Variants in HS3ST5 observed in about 807,000 individuals in gnomAD.
HS3ST5 encodes heparan sulfate-glucosamine 3-sulfotransferase 5.
A neutral mutation model predicts 25.4 loss-of-function variants in HS3ST5; 10 were observed. The observed-to-expected ratio is 0.39, with a 90% CI of 0.24 to 0.67. The LOEUF (loss-of-function observed/expected upper bound fraction) is 0.67. Ranked by LOEUF, HS3ST5 falls within the 30% of genes least tolerant of loss-of-function variation. The pLI, the probability that HS3ST5 is intolerant of heterozygous loss-of-function variation, is 0.44. For synonymous variants in HS3ST5, 170 were observed against 162.4 expected (o/e 1.05, Z -0.36); for missense variants, 324 against 420.7 (o/e 0.77, Z 2.01).
intron 1 of HS3ST5, among the ~76,000 whole-genome samples, chr6:114,313,634 T>C (rs1360242143): frequency 6.6e-6 from 1 of 151,986 alleles, no homozygotes; most frequent in African/African-American, 2.4e-5. Context: ...ATCAGATCAG[T>C]AGTTTATTGG....
intron 1 of HS3ST5, among the ~76,000 whole-genome samples, chr6:114,283,223 T>C (rs1008268119): frequency 6.6e-6 from 1 of 151,982 alleles, no homozygotes; most frequent in African/African-American, 2.4e-5. Context: ...TTGCTTAAAA[T>C]ACCAACCTTG....
At chr6:114,217,139 G>A (rs2114468710) in intron 2 of HS3ST5, among the ~76,000 whole-genome samples, 1 of 152,308 alleles carries the variant, frequency 6.6e-6, no homozygotes, top group Non-Finnish European at 1.5e-5. Context: ...CATGTAGTAA[G>A]ATAAAAACAT....
intron 1 of HS3ST5, among the ~76,000 whole-genome samples, chr6:114,286,616 A>G (rs796370475): frequency 7.9e-5 from 12 of 152,100 alleles, no homozygotes; most frequent in African/African-American, 2.6e-4. Context: ...TTTCCAATTA[A>G]ATGTATAAGA....
intron 1 of HS3ST5, among the ~76,000 whole-genome samples, chr6:114,339,082 T>C (rs1423750603): frequency 2.6e-5 from 4 of 152,136 alleles, no homozygotes; most frequent in Non-Finnish European, 5.9e-5. Flanking sequence ...CTTCACTTAA[T>C]TGCAATCATC....
chr6:114,284,742 T>C (rs533589010), intron 1 of HS3ST5, among the ~76,000 whole-genome samples: 3 of 152,016 alleles, frequency 2.0e-5, no homozygotes, highest in African/African-American at 7.2e-5. Context: ...AAAGTGAATC[T>C]CCAAGCTGCT....
chr6:114,217,766 T>C (rs1034847482), intron 2 of HS3ST5, among the ~76,000 whole-genome samples: 1 of 152,198 alleles, frequency 6.6e-6, no homozygotes, highest in African/African-American at 2.4e-5. Context: ...AAGTGGGGAC[T>C]TGAATTTAGG....
At chr6:114,208,426 T>C (rs1403038450) in intron 2 of HS3ST5, among the ~76,000 whole-genome samples, 3 of 152,218 alleles carry the variant, frequency 2.0e-5, no homozygotes, top group Non-Finnish European at 4.4e-5. Flanking sequence ...CAGACAATTA[T>C]TGTCCCTTGA....
chr6:114,131,297 G>T (rs1323354432), intron 3 of HS3ST5: 5 of 152,162 alleles, frequency 3.3e-5, no homozygotes, highest in Non-Finnish European at 7.4e-5. Context: ...TCATATTTCA[G>T]GAGAGAATTC....
chr6:114,213,113 G>C (rs1347714720), intron 2 of HS3ST5, among the ~76,000 whole-genome samples: 1 of 152,058 alleles, frequency 6.6e-6, no homozygotes, highest in Non-Finnish European at 1.5e-5. Context: ...CTAGAAAGGG[G>C]ATGGATTGGG....
At chr6:114,169,759 G>A (rs1779388293) in intron 2 of HS3ST5, among the ~76,000 whole-genome samples, 1 of 151,980 alleles carries the variant, frequency 6.6e-6, no homozygotes, top group Non-Finnish European at 1.5e-5. Flanking sequence ...AACTCAAGAG[G>A]GCACTCAACA....
At chr6:114,213,425 T>A (rs1309872002) in intron 2 of HS3ST5, among the ~76,000 whole-genome samples, 1 of 151,922 alleles carries the variant, frequency 6.6e-6, no homozygotes, top group African/African-American at 2.4e-5. Flanking sequence ...ATGTTCTCAC[T>A]CTGGGCTGTG....
At chr6:114,324,004 G>A (rs1431599593) in intron 1 of HS3ST5, among the ~76,000 whole-genome samples, 1 of 152,084 alleles carries the variant, frequency 6.6e-6, no homozygotes, top group Non-Finnish European at 1.5e-5. Context: ...CCCCTGCTGG[G>A]GGACACTGGC....
intron 1 of HS3ST5, among the ~76,000 whole-genome samples, chr6:114,247,812 T>C (rs1772450825): frequency 6.6e-6 from 1 of 151,444 alleles, no homozygotes; most frequent in East Asian, 1.9e-4. Context: ...GCATGAATAA[T>C]ATTGAGTAGG....
intron 1 of HS3ST5, among the ~76,000 whole-genome samples, chr6:114,290,587 C>T (rs1354584961): frequency 6.6e-6 from 1 of 152,070 alleles, no homozygotes; most frequent in African/African-American, 2.4e-5. Context: ...CTGTTCCTCA[C>T]CAGCCTTGTC....
chr6:114,261,181 G>A (rs1490950736), intron 1 of HS3ST5, among the ~76,000 whole-genome samples: 1 of 152,184 alleles, frequency 6.6e-6, no homozygotes, highest in Non-Finnish European at 1.5e-5. Flanking sequence ...AGGGGTTAGA[G>A]CAGTAGGTAT....
chr6:114,288,383 G>T (rs1045855737), intron 1 of HS3ST5, among the ~76,000 whole-genome samples: 2 of 152,028 alleles, frequency 1.3e-5, no homozygotes, highest in Non-Finnish European at 2.9e-5. Flanking sequence ...ATTATATTTG[G>T]ATTTTCATGT....
intron 3 of HS3ST5, among the ~76,000 whole-genome samples, chr6:114,113,660 C>T (rs1396156626): frequency 1.3e-5 from 2 of 151,984 alleles, no homozygotes; most frequent in African/African-American, 4.8e-5. Context: ...CAAACTCTCA[C>T]TGATCCATTA....
At chr6:114,104,297 ATAAAT>A (rs1311010094) in intron 3 of HS3ST5, among the ~76,000 whole-genome samples, 2 of 152,176 alleles carry the variant, frequency 1.3e-5, no homozygotes, top group Non-Finnish European at 2.9e-5. Flanking sequence ...GTGAATAATT[ATAAAT>A]TAAATTAGGT....
chr6:114,225,729 C>T (rs757767705), intron 2 of HS3ST5, among the ~76,000 whole-genome samples: 1 of 151,968 alleles, frequency 6.6e-6, no homozygotes, highest in African/African-American at 2.4e-5. Context: ...TAGAATAACA[C>T]ATGCAGGATA....
Sources: allele counts gnomAD v4.1 joint callset (sites outside exome capture counted in the v4.1 genomes callset), GRCh38; gene constraint gnomAD v4.1.1; transcripts MANE v1.5; gene names NCBI Gene and HGNC (gene_info 2026-07-23, HGNC 2026-07-21).